PABPC4L: variants seen among roughly 807,000 people sequenced by gnomAD.
PABPC4L encodes poly(A) binding protein cytoplasmic 4 like.
For synonymous variants in PABPC4L, 169 were observed against 164.1 expected, an observed-to-expected ratio of 1.03 and a Z score of -0.23; for missense variants, 452 against 451.4, an observed-to-expected ratio of 1.00 and a Z score of -0.01.
chr4:134,157,080 T>G, the PABPC4L span, among the ~76,000 whole-genome samples: 2 of 151,858 alleles, frequency 1.3e-5, no homozygotes, highest in Non-Finnish European at 3.0e-5. Flanking sequence ...GATTCTTACT[T>G]TAGCTGTATC....
At chr4:134,028,646 C>T in the PABPC4L span, among the ~76,000 whole-genome samples, 12 of 152,048 alleles carry the variant, frequency 7.9e-5, no homozygotes, top group African/African-American at 2.7e-4. Flanking sequence ...AGTGTGCTTC[C>T]TCCCATGATA....
At chr4:133,961,594 G>T in the PABPC4L span, among the ~76,000 whole-genome samples, 1 of 152,136 alleles carries the variant, frequency 6.6e-6, no homozygotes, top group Non-Finnish European at 1.5e-5. Context: ...GATGGCAATG[G>T]CAACGCCCTT....
At chr4:134,068,430 G>A in the PABPC4L span, among the ~76,000 whole-genome samples, 1 of 152,042 alleles carries the variant, frequency 6.6e-6, no homozygotes, top group Non-Finnish European at 1.5e-5. Flanking sequence ...TGGGAAACAG[G>A]TCTCTTGAAG....
the PABPC4L span, among the ~76,000 whole-genome samples, chr4:134,176,390 C>T: frequency 1.5e-3 from 228 of 152,012 alleles, 1 homozygote; most frequent in African/African-American, 5.3e-3. Context: ...GTGGCTTATC[C>T]CCGTAATCCC....
the PABPC4L span, among the ~76,000 whole-genome samples, chr4:134,131,777 A>G: frequency 6.6e-6 from 1 of 151,322 alleles, no homozygotes; most frequent in East Asian, 1.9e-4. Context: ...AAGAAAAAAG[A>G]ACAATTCTGG....
At chr4:134,022,239 T>G in the PABPC4L span, among the ~76,000 whole-genome samples, 5 of 152,142 alleles carry the variant, frequency 3.3e-5, no homozygotes, top group Admixed American at 1.3e-4. Flanking sequence ...TTTGCCCCAG[T>G]ATCCAAGTTC....
At chr4:133,970,186 C>G in the PABPC4L span, among the ~76,000 whole-genome samples, 1 of 151,484 alleles carries the variant, frequency 6.6e-6, no homozygotes, top group Non-Finnish European at 1.5e-5. Flanking sequence ...CACGCCTCTC[C>G]TTTCTTGAAG....
the PABPC4L span, among the ~76,000 whole-genome samples, chr4:134,103,795 A>T: frequency 6.6e-6 from 1 of 151,760 alleles, no homozygotes; most frequent in Admixed American, 6.6e-5. Flanking sequence ...GTTCATCGAT[A>T]ACTGAAAAGC....
At chr4:134,075,541 C>T in the PABPC4L span, among the ~76,000 whole-genome samples, 1 of 152,018 alleles carries the variant, frequency 6.6e-6, no homozygotes, top group Non-Finnish European at 1.5e-5. Context: ...CTAATAGCAT[C>T]CGAAGTAGAC....
the PABPC4L span, among the ~76,000 whole-genome samples, chr4:134,001,344 A>G: frequency 2.0e-5 from 3 of 151,876 alleles, no homozygotes; most frequent in Non-Finnish European, 2.9e-5. Context: ...GTCATATTAT[A>G]CATTATCCTA....
At chr4:134,037,056 C>CA in the PABPC4L span, among the ~76,000 whole-genome samples, 633 of 141,258 alleles carry the variant, frequency 4.5e-3, 3 homozygotes, top group Middle Eastern at 7.6e-3. Context: ...AACTCCATCT[C>CA]AAAAAAAAAA....
the PABPC4L span, among the ~76,000 whole-genome samples, chr4:134,090,769 A>T: frequency 1.3e-5 from 2 of 151,920 alleles, no homozygotes; most frequent in Non-Finnish European, 2.9e-5. Flanking sequence ...TCTCAAAAAA[A>T]AAAATAAAAA....
chr4:134,069,535 A>AT, the PABPC4L span, among the ~76,000 whole-genome samples: 2 of 151,450 alleles, frequency 1.3e-5, no homozygotes, highest in African/African-American at 2.4e-5. Context: ...ATTTTTCTTT[A>AT]TTTTTTCTGA....
At position 134,199,984 on chromosome 4, in the gene PABPC4L, T is replaced by G. The variant is rs1333293489; in HGVS notation, c.1036A>C (p.Thr346Pro). The G allele has an allele frequency of 6.4e-7, 1 of 1,551,676 alleles. No individual in the cohort carries two copies. The highest frequency in any genetic ancestry group is 8.7e-7 in the Non-Finnish European group (1 of 1,146,964). Residue 346 changes from threonine (T) to proline (P), a missense_variant, in exon 2 of 2, where the codon ACT becomes CCT. Physicochemically the swap from Thr to Pro is conservative, Grantham distance 38. Coordinates refer to ENST00000421491, the MANE Select transcript of PABPC4L (RefSeq NM_001114734.2). The stretch of plus-strand genomic sequence containing the variant: ...CCATTCATCTCAGTCATTGCTTTAG[T>G]AGCATCCTCAGGAGAGGAGAAGCAG... ...LICFSSPEDA[T>P]KAMTEMNGRI...
chr4:133,994,419 T>C, the PABPC4L span, among the ~76,000 whole-genome samples: 1 of 152,130 alleles, frequency 6.6e-6, no homozygotes, highest in Admixed American at 6.6e-5. Flanking sequence ...TGTCCCCAAA[T>C]ATTAATGGGC....
the PABPC4L span, among the ~76,000 whole-genome samples, chr4:134,173,546 C>G: frequency 6.6e-6 from 1 of 151,938 alleles, no homozygotes; most frequent in Admixed American, 6.6e-5. Context: ...TGATGGTTAC[C>G]AGAGGCTGGG....
At chr4:134,003,168 G>A in the PABPC4L span, among the ~76,000 whole-genome samples, 1 of 151,976 alleles carries the variant, frequency 6.6e-6, no homozygotes, top group East Asian at 1.9e-4. Flanking sequence ...ATGAGGCTCA[G>A]CAAAGTCTCA....
Position 134,200,476 on chromosome 4 carries a change from G to C in PABPC4L, c.544C>G (p.Leu182Val), listed in dbSNP as rs1197268396. Residue 182 changes from leucine to valine, a missense_variant, in exon 2 of 2, where the codon CTC becomes GTC. By Grantham distance (32) the Leu-to-Val change is conservative (BLOSUM62 1). Coordinates refer to ENST00000421491, the MANE Select transcript of PABPC4L (RefSeq NM_001114734.2). The part of the protein sequence containing the change: ...FKNRKDREAE[L>V]RSKASEFTNV... ...GTGAATTCACTGGCTTTGCTTCTGA[G>C]TTCAGCTTCACGATCTTTTCGGTTT... 1 of 1,551,524 alleles carries C rather than the reference G, an allele frequency of 6.4e-7. No individual in the cohort carries two copies. The highest frequency in any genetic ancestry group is 2.0e-5 in the Admixed American group (1 of 50,982).
At chr4:134,129,500 T>C in the PABPC4L span, among the ~76,000 whole-genome samples, 1 of 151,956 alleles carries the variant, frequency 6.6e-6, no homozygotes, top group Non-Finnish European at 1.5e-5. Flanking sequence ...GGAATAAAAT[T>C]GGACATGAAC....
Sources: gnomAD v4.1 joint callset for allele counts (sites outside exome capture counted in the v4.1 genomes callset) on GRCh38, gnomAD v4.1.1 for gene constraint, MANE v1.5 for transcripts, NCBI Gene and HGNC (gene_info 2026-07-23, HGNC 2026-07-21) for gene names.